Variants in SIRT1 observed in about 807,000 individuals in gnomAD.
The protein encoded by SIRT1 is sirtuin 1.
A neutral mutation model predicts 67.9 loss-of-function variants in SIRT1; 24 were observed. That is an observed-to-expected ratio of 0.35 (90% CI 0.26 to 0.50). The LOEUF is 0.50. Among genes scored for constraint, SIRT1 ranks in the 20% least tolerant of loss-of-function variants. The probability of loss-of-function intolerance (pLI) is 0.98; values close to 1 mark genes in which losing one functional copy is unlikely to be tolerated. For missense variants in SIRT1, 873 were observed against 937.2 expected (o/e 0.93, Z 0.89); for synonymous variants, 378 against 350.7 (o/e 1.08, Z -0.87).
In SIRT1 at chr10:67,885,170, G is replaced by A; in HGVS notation, c.430+19G>A. On this transcript the variant is annotated intron_variant, in intron 1 of 8. Transcript: ENST00000212015. ...TACCGAGGTGCGCAGGGTGCGGGCG[G>A]CCGGAACTGCGCATCTCCTCCTCCC... is the stretch of plus-strand genomic sequence containing the variant. 1.5e-6 allele frequency: 2 copies of A among 1,367,764 alleles called. No individual in the cohort carries two copies. The highest frequency in any genetic ancestry group is 1.7e-5 in the South Asian group (1 of 58,964). 84.7% of individuals were successfully genotyped at this position (1,367,764 alleles called of 1,614,324 possible). A position where few individuals can be genotyped will look rare whatever the true frequency, so the allele number is the denominator to read the frequency against.
chr10:67,897,685 A>G (rs1441581783), intron 4 of SIRT1, among the ~76,000 whole-genome samples: 2 of 151,804 alleles, frequency 1.3e-5, no homozygotes, highest in African/African-American at 4.8e-5. Context: ...TTTAGTAGAG[A>G]TGGGGTTTCA....
intron 7 of SIRT1, among the ~76,000 whole-genome samples, chr10:67,911,053 T>TA (rs1200721259): frequency 3.3e-5 from 5 of 152,230 alleles, no homozygotes; most frequent in African/African-American, 1.2e-4. Context: ...AACTCAGTCT[T>TA]ACCTAATTAG....
Position 67,914,848 on chromosome 10 carries a change from A to T in SIRT1, c.1916-1417A>T, listed in dbSNP as rs116895143. ...TCACTCTCCAGAGTAGCTGTAGCTG[A>T]GACCACAGGCGCATGCCCTCATGCT... On this transcript the variant is annotated intron_variant, in intron 8 of 8. Transcript: ENST00000212015. Among the ~76,000 whole-genome samples, 57 of 150,160 alleles carry T rather than the reference A, an allele frequency of 3.8e-4. No homozygotes were observed. The East Asian group carries it at 0.011, about 29-fold the overall frequency.
chr10:67,892,394 G>A (rs926101116), intron 4 of SIRT1, among the ~76,000 whole-genome samples: 48 of 151,958 alleles, frequency 3.2e-4, no homozygotes, highest in African/African-American at 1.1e-3. Flanking sequence ...AACATAATGA[G>A]ACTCCATCTC....
At chr10:67,886,523 T>A (rs1564881851) in intron 1 of SIRT1, among the ~76,000 whole-genome samples, 1 of 138,220 alleles carries the variant, frequency 7.2e-6, no homozygotes, top group Non-Finnish European at 1.5e-5. Flanking sequence ...GCCACTGCAC[T>A]CCAGGGTGGG....
chr10:67,898,603 C>CA (rs1194968282), intron 4 of SIRT1, among the ~76,000 whole-genome samples: 1 of 152,188 alleles, frequency 6.6e-6, no homozygotes, highest in East Asian at 1.9e-4. Context: ...TGTTTTAATA[C>CA]TCAACATGTA....
chr10:67,912,690 C>T lies in SIRT1; in HGVS notation c.1574C>T (p.Ser525Leu), dbSNP rs199649997. The change falls in exon 8 of 9, where the codon TCA (serine) becomes TTA (leucine). Residue 525 changes from serine (S) to leucine (L), a missense_variant. Physicochemically the swap from Ser to Leu is moderately radical, Grantham distance 145. Around this residue, in one of 3 missense-constraint regions of SIRT1, gnomAD observed 295 missense variants for 294.5 expected, o/e 1.00. Coordinates refer to ENST00000212015, the MANE Select transcript of SIRT1 (RefSeq NM_012238.5). ...ACACAAAAAGAATTGGCTTATTTGT[C>T]AGAGTTGCCACCCACACCTCTTCAT... ...PRTQKELAYL[S>L]ELPPTPLHVS... The T allele has an allele frequency of 6.2e-7, 1 of 1,613,980 alleles. No homozygotes were observed. The highest frequency in any genetic ancestry group is 8.5e-7 in the Non-Finnish European group (1 of 1,180,038).
chr10:67,893,143 TTTTAC>T (rs144213723), intron 4 of SIRT1, among the ~76,000 whole-genome samples: 14,699 of 152,256 alleles, frequency 0.097, 898 homozygotes, highest in Middle Eastern at 0.18. Context: ...TTTTATTTTA[TTTTAC>T]TTTAAGTGCC....
intron 4 of SIRT1, among the ~76,000 whole-genome samples, chr10:67,896,531 C>CAA (rs1393189718): frequency 2.0e-5 from 3 of 152,084 alleles, no homozygotes; most frequent in African/African-American, 7.2e-5. Flanking sequence ...TGCAGCGGCT[C>CAA]ACACCTGTAA....
chr10:67,914,237 G>GT (rs1312473584), intron 8 of SIRT1, among the ~76,000 whole-genome samples: 1 of 151,860 alleles, frequency 6.6e-6, no homozygotes, highest in Non-Finnish European at 1.5e-5. Flanking sequence ...TTGCTCGGCT[G>GT]ATTCTTGTAT....
In SIRT1 at chr10:67,884,781, C is replaced by G. The variant is rs2131841536; in HGVS notation, c.60C>G (p.Ala20=). The G allele has an allele frequency of 1.6e-6, 2 of 1,216,232 alleles. No individual in the cohort carries two copies. The highest frequency in any genetic ancestry group is 1.0e-6 in the Non-Finnish European group (1 of 978,252). 75.3% of individuals were successfully genotyped at this position (1,216,232 alleles called of 1,614,324 possible). A position where few individuals can be genotyped will look rare whatever the true frequency, so the allele number is the denominator to read the frequency against. The stretch of plus-strand genomic sequence containing the variant: ...GCGGCTCCCCCTCGGCGGCGGGGGC[C>G]GACAGGGAGGCCGCGTCGTCCCCCG... The part of the protein sequence containing the change: ...QPGGSPSAAG[A]DREAASSPAG... The change falls in exon 1 of 9, where the codon GCC becomes GCG. Residue 20 remains alanine (A), a synonymous_variant. Coordinates refer to ENST00000212015, the MANE Select transcript of SIRT1 (RefSeq NM_012238.5).
At chr10:67,893,559 T>G (rs1167160779) in intron 4 of SIRT1, among the ~76,000 whole-genome samples, 1 of 149,460 alleles carries the variant, frequency 6.7e-6, no homozygotes, top group Non-Finnish European at 1.5e-5. Flanking sequence ...TTTTTTTTTT[T>G]GGAGACGGAG....
chr10:67,909,396 T>C lies in SIRT1; in HGVS notation c.1311T>C (p.Ile437=). The part of the protein sequence containing the change: ...KYDKDEVDLL[I]VIGSSLKVRP... ...ACAAAGATGAAGTTGACCTCCTCAT[T>C]GTTATTGGGTCTTCCCTCAAAGTAA... Residue 437 remains isoleucine (I), a synonymous_variant, in exon 7 of 9, where the codon ATT becomes ATC. Coordinates refer to ENST00000212015, the MANE Select transcript of SIRT1 (RefSeq NM_012238.5). 1 of 1,613,160 alleles carries C rather than the reference T, an allele frequency of 6.2e-7. No homozygotes were observed. The highest frequency in any genetic ancestry group is 8.5e-7 in the Non-Finnish European group (1 of 1,179,794).
chr10:67,904,149 A>AG, intron 4 of SIRT1, among the ~76,000 whole-genome samples: 1 of 139,954 alleles, frequency 7.1e-6, no homozygotes, highest in African/African-American at 2.7e-5. Flanking sequence ...TTTTTTTTTA[A>AG]AGGCTCTCAC....
At chr10:67,894,173 G>A (rs906881827) in intron 4 of SIRT1, among the ~76,000 whole-genome samples, 2 of 152,128 alleles carry the variant, frequency 1.3e-5, no homozygotes, top group African/African-American at 2.4e-5. Flanking sequence ...ATGGGCATTA[G>A]TGTAAAGTGG....
In SIRT1 at chr10:67,889,075, G is replaced by A; in HGVS notation, c.741G>A (p.Val247=). The change falls in exon 3 of 9, where the codon GTG becomes GTA. Residue 247 remains valine (V), a synonymous_variant. Transcript: ENST00000212015. ...RKDINTIEDA[V]KLLQECKKII... The stretch of plus-strand genomic sequence containing the variant: ...ATATTAATACAATTGAAGATGCTGT[G>A]AAATTACTGCAAGAGTGCAAAAAAA... 3 of 1,608,454 alleles carry A rather than the reference G, an allele frequency of 1.9e-6. No homozygotes were observed. Among genetic ancestry groups the A allele is most frequent in the Non-Finnish European group, 2.5e-6 (3 of 1,179,726 alleles).
At chr10:67,885,887 C>G (rs1348938896) in intron 1 of SIRT1, among the ~76,000 whole-genome samples, 1 of 150,530 alleles carries the variant, frequency 6.6e-6, no homozygotes, top group African/African-American at 2.4e-5. Flanking sequence ...ACAAACTTAA[C>G]ACTTCTAGCA....
chr10:67,916,399 A>G lies in SIRT1; in HGVS notation c.2050A>G (p.Ser684Gly), dbSNP rs114572830. The change falls in exon 9 of 9, where the codon AGT (serine) becomes GGT (glycine). Residue 684 changes from serine to glycine, a missense_variant. Transcript: ENST00000212015. ...NSDSGTCQSP[S>G]LEEPMEDESE... ...TGATAGTGGGACATGCCAGAGTCCA[A>G]GTTTAGAAGAACCCATGGAGGATGA... 89 of 1,614,090 alleles carry G rather than the reference A, an allele frequency of 5.5e-5. No homozygotes were observed. The highest frequency in any genetic ancestry group is 7.3e-5 in the Non-Finnish European group (86 of 1,180,044).
chr10:67,912,711 T>G lies in SIRT1; in HGVS notation c.1595T>G (p.Leu532Arg), dbSNP rs1292260091. 1.9e-6 allele frequency: 3 copies of G among 1,614,140 alleles called. No individual in the cohort carries two copies. ...TTGTCAGAGTTGCCACCCACACCTC[T>G]TCATGTTTCAGAAGACTCAAGTTCA... ...AYLSELPPTP[L>R]HVSEDSSSPE... is the part of the protein sequence containing the mutation. The change falls in exon 8 of 9, where the codon CTT becomes CGT. Residue 532 changes from leucine (L) to arginine (R), a missense_variant. This residue lies in a region of SIRT1 where 295 missense variants were observed against 294.5 expected (regional missense o/e 1.00). Transcript: ENST00000212015.
Sources: allele counts gnomAD v4.1 joint callset (sites outside exome capture counted in the v4.1 genomes callset), GRCh38; gene constraint gnomAD v4.1.1; regional missense constraint gnomAD v4.1.1; transcripts MANE v1.5; gene names NCBI Gene and HGNC (gene_info 2026-07-23, HGNC 2026-07-21).